Variants in STAG2 observed in about 807,000 individuals in gnomAD.
The protein encoded by STAG2 is cohesin subunit SA-2.
Under a neutral mutation model 108.1 loss-of-function variants are expected in STAG2, and 14 were observed. The ratio of observed to expected loss-of-function variants is 0.13; its 90% confidence interval spans 0.09 to 0.20. STAG2 has a LOEUF of 0.20. Among genes scored for constraint, STAG2 ranks in the 10% least tolerant of loss-of-function variants. STAG2 has a pLI of 1.00. For synonymous variants in STAG2, 307 were observed against 302.7 expected, an observed-to-expected ratio of 1.01 and a Z score of -0.15; for missense variants, 440 against 940.9, an observed-to-expected ratio of 0.47 and a Z score of 6.96.
chrX:124,049,073 A>G lies in STAG2; in HGVS notation c.888A>G (p.Arg296=), dbSNP rs1373266413. The stretch of plus-strand genomic sequence containing the variant: ...TATTTAAAGGAGTGTTTGTACATAG[A>G]TACCGGTAAGTTGTGACAGTTTTTT... ...NAIFKGVFVH[R]YRDAIAEIRA... Residue 296 remains arginine, a synonymous_variant, in exon 10 of 35, where the codon AGA becomes AGG. Transcript: ENST00000371145. The G allele has an allele frequency of 8.4e-7, 1 of 1,186,513 alleles. No individual in the cohort carries two copies. The highest frequency in any genetic ancestry group is 1.1e-6 in the Non-Finnish European group (1 of 876,999).
At chrX:123,999,188 C>T (rs1429176056) in intron 1 of STAG2, among the ~76,000 whole-genome samples, 1 of 111,398 alleles carries the variant, frequency 9.0e-6, no homozygotes, top group Non-Finnish European at 1.9e-5. Flanking sequence ...AAAGAAACAC[C>T]CCTTCAGAGT....
intron 29 of STAG2, among the ~76,000 whole-genome samples, chrX:124,083,947 T>C (rs1000268811): frequency 1.8e-5 from 2 of 111,563 alleles, no homozygotes; most frequent in Non-Finnish European, 1.9e-5. Flanking sequence ...TCTGCATTTG[T>C]GCCTTAACCC....
intron 15 of STAG2, among the ~76,000 whole-genome samples, chrX:124,059,999 A>G (rs61197920): frequency 0.18 from 19,913 of 111,110 alleles, 1,420 homozygotes; most frequent in East Asian, 0.39. Context: ...CTCTATGTTC[A>G]TAAAGGATTT....
At chrX:123,973,540 CAAAAAA>C (rs35943528) in intron 1 of STAG2, among the ~76,000 whole-genome samples, 4 of 46,206 alleles carry the variant, frequency 8.7e-5, no homozygotes, top group Non-Finnish European at 1.1e-4. Context: ...GACTCTGTCT[CAAAAAA>C]AAAAAAAAAA....
At chrX:123,989,857 C>A (rs975215733) in intron 1 of STAG2, among the ~76,000 whole-genome samples, 1 of 111,028 alleles carries the variant, frequency 9.0e-6, no homozygotes, top group Admixed American at 9.6e-5. Flanking sequence ...CCACCTCAGC[C>A]TCCCAAAGTG....
upstream of STAG2, chrX:123,961,308 C>T (rs752921521): frequency 2.7e-5 from 3 of 109,439 alleles, no homozygotes; most frequent in Non-Finnish European, 5.7e-5. Context: ...GACCCCCCCC[C>T]CCCATGGGTG....
At position 123,973,739 on chromosome X, in the gene STAG2, G is replaced by A. The variant is rs191720100; in HGVS notation, c.-163+11883G>A. ...CATGCCTGTAGTCCCAGCTATTCGG[G>A]AGGCTGAGGCAGGAGAATTGCTTGA... On this transcript the variant is annotated intron_variant, in intron 1 of 34. Coordinates refer to ENST00000371145, the MANE Select transcript of STAG2 (RefSeq NM_001042750.2). 3.1e-3 allele frequency among the ~76,000 whole-genome samples: 338 copies of A among 107,739 alleles called. 1 individual carries two copies. The highest frequency in any genetic ancestry group is 0.014 in the Middle Eastern group (3 of 211). The allele number at this position is 107,739 out of a possible 115,157, so 93.6% of individuals were successfully genotyped here. A position where few individuals can be genotyped will look rare whatever the true frequency, so the allele number is the denominator to read the frequency against.
At chrX:123,975,986 A>C (rs1290995548) in intron 1 of STAG2, among the ~76,000 whole-genome samples, 1 of 112,290 alleles carries the variant, frequency 8.9e-6, no homozygotes, top group Non-Finnish European at 1.9e-5. Context: ...CTAAGTTACT[A>C]TGGAAAAATA....
At chrX:123,967,368 C>T (rs1016147894) in intron 1 of STAG2, among the ~76,000 whole-genome samples, 3 of 99,491 alleles carry the variant, frequency 3.0e-5, no homozygotes, top group Non-Finnish European at 5.9e-5. Context: ...TGGGTTCAAG[C>T]GATTCTCCTG....
chrX:124,032,052 T>C (rs1031176382), intron 5 of STAG2, among the ~76,000 whole-genome samples: 1 of 112,083 alleles, frequency 8.9e-6, no homozygotes, highest in African/African-American at 3.2e-5. Flanking sequence ...TTTTTTTTAA[T>C]GGCCTAAGGT....
chrX:123,972,027 C>T (rs1231313981), intron 1 of STAG2, among the ~76,000 whole-genome samples: 2 of 111,133 alleles, frequency 1.8e-5, no homozygotes, highest in African/African-American at 6.5e-5. Flanking sequence ...CTTGTGCTGT[C>T]ACCTGAAAAA....
At chrX:124,058,007 G>A in intron 15 of STAG2, 30 bp downstream of exon 15, 1 of 1,029,365 alleles carries the variant, frequency 9.7e-7, no homozygotes, top group Non-Finnish European at 1.3e-6. Context: ...TTTATACTTA[G>A]GTTCGAAAAA....
intron 1 of STAG2, among the ~76,000 whole-genome samples, chrX:123,980,140 G>A (rs2054809495): frequency 8.9e-6 from 1 of 111,923 alleles, no homozygotes; most frequent in Non-Finnish European, 1.9e-5. Flanking sequence ...GCATCCAAAT[G>A]CAAGCTGATT....
At chrX:124,034,990 G>A (rs917568213) in intron 5 of STAG2, among the ~76,000 whole-genome samples, 8 of 108,706 alleles carry the variant, frequency 7.4e-5, no homozygotes, top group South Asian at 4.0e-4. Flanking sequence ...TCCGCCTCCC[G>A]GGTTCAAGTG....
At chrX:124,051,073 C>T (rs767211764) in intron 11 of STAG2, 48 bp from the exon 12 acceptor site, 2 of 743,410 alleles carry the variant, frequency 2.7e-6, no homozygotes, top group East Asian at 3.4e-5. Flanking sequence ...GTTGAAAATA[C>T]ATAGAGTTTT....
chrX:124,014,792 C>T (rs1259551298), intron 1 of STAG2, among the ~76,000 whole-genome samples: 1 of 110,365 alleles, frequency 9.1e-6, no homozygotes, highest in East Asian at 2.8e-4. Flanking sequence ...TTACCTATTC[C>T]TGTACCAGAG....
At chrX:124,055,328 A>T (rs924230503) in intron 13 of STAG2, among the ~76,000 whole-genome samples, 1 of 111,896 alleles carries the variant, frequency 8.9e-6, no homozygotes, top group Non-Finnish European at 1.9e-5. Context: ...CAGTGGTCCT[A>T]TGATTTGAAT....
chrX:124,082,178 T>A (rs2058978765), intron 28 of STAG2, among the ~76,000 whole-genome samples: 1 of 111,940 alleles, frequency 8.9e-6, no homozygotes, highest in African/African-American at 3.2e-5. Context: ...TTTGATTCCT[T>A]TGTCTCAAGT....
At chrX:124,008,541 G>A (rs1165184657) in intron 1 of STAG2, among the ~76,000 whole-genome samples, 3 of 109,973 alleles carry the variant, frequency 2.7e-5, no homozygotes, top group Admixed American at 9.7e-5. Context: ...AGACAGTCTC[G>A]CTGTGTTGCC....
Sources: allele counts gnomAD v4.1 joint callset (sites outside exome capture counted in the v4.1 genomes callset), GRCh38; gene constraint gnomAD v4.1.1; transcripts MANE v1.5; gene names NCBI Gene and HGNC (gene_info 2026-07-23, HGNC 2026-07-21).